The following MSH3 variants were observed in gnomAD, a reference collection of about 807,000 sequenced individuals.
The protein encoded by MSH3 is DNA mismatch repair protein Msh3.
In MSH3, 106 loss-of-function variants were observed where a neutral mutation model predicts 123.3. That is an observed-to-expected ratio of 0.86 (90% CI 0.73 to 1.01). MSH3 has a LOEUF of 1.01. Among genes scored for constraint, MSH3 ranks in the 50% least tolerant of loss-of-function variants. The pLI is 0.00. For synonymous variants in MSH3, 515 were observed against 481.4 expected (o/e 1.07, Z -0.91); for missense variants, 1,459 against 1,347.6 (o/e 1.08, Z -1.29).
chr5:80,811,853 T>G (rs1745014843), intron 19 of MSH3, among the ~76,000 whole-genome samples: 1 of 152,204 alleles, frequency 6.6e-6, no homozygotes, highest in South Asian at 2.1e-4. Flanking sequence ...AATATTTGAT[T>G]GTTTTATGAC....
intron 8 of MSH3, among the ~76,000 whole-genome samples, chr5:80,687,314 G>C (rs575295220): frequency 6.6e-6 from 1 of 152,300 alleles, no homozygotes; most frequent in East Asian, 1.9e-4. Context: ...TGCAGTTAAG[G>C]TTGCTTTAGC....
intron 20 of MSH3, among the ~76,000 whole-genome samples, chr5:80,839,365 C>G (rs900712807): frequency 3.3e-5 from 5 of 152,108 alleles, no homozygotes; most frequent in Non-Finnish European, 7.3e-5. Flanking sequence ...GAGACTCTGT[C>G]TCAATAAAAT....
chr5:80,729,303 T>C (rs1204062899), intron 10 of MSH3, among the ~76,000 whole-genome samples: 1 of 150,104 alleles, frequency 6.7e-6, no homozygotes, highest in Non-Finnish European at 1.5e-5. Flanking sequence ...TAGTCCCAGC[T>C]ACTAGGGAGG....
chr5:80,741,574 A>T (rs191679876), intron 11 of MSH3, 26 bp downstream of exon 11: 2 of 1,538,820 alleles, frequency 1.3e-6, no homozygotes, highest in East Asian at 2.2e-5. Context: ...GGGCTAGTTG[A>T]TTATAAATCG....
chr5:80,841,820 G>C (rs1327048788), intron 20 of MSH3, among the ~76,000 whole-genome samples: 1 of 151,924 alleles, frequency 6.6e-6, no homozygotes, highest in East Asian at 1.9e-4. Context: ...TTGTCAGATG[G>C]GTAGATTGCA....
intron 19 of MSH3, among the ~76,000 whole-genome samples, chr5:80,799,024 G>A (rs1244627593): frequency 2.6e-5 from 4 of 152,226 alleles, no homozygotes; most frequent in Non-Finnish European, 5.9e-5. Context: ...AATGGTAGGA[G>A]ATTTAAATTA....
At chr5:80,685,201 C>CTTT (rs70991171) in intron 8 of MSH3, among the ~76,000 whole-genome samples, 2 of 107,646 alleles carry the variant, frequency 1.9e-5, no homozygotes, top group Non-Finnish European at 3.7e-5. Flanking sequence ...AAGTATTCTC[C>CTTT]TTTTTTTTTT....
intron 3 of MSH3, among the ~76,000 whole-genome samples, chr5:80,668,241 G>C (rs1256963469): frequency 1.3e-5 from 2 of 152,180 alleles, no homozygotes; most frequent in Non-Finnish European, 2.9e-5. Context: ...GTGCTGATTG[G>C]TTCATGGGCT....
chr5:80,740,381 G>A (rs547807698), intron 10 of MSH3, among the ~76,000 whole-genome samples: 68 of 147,754 alleles, frequency 4.6e-4, no homozygotes, highest in Non-Finnish European at 8.2e-4. Flanking sequence ...TTTTGGAGAC[G>A]GAGTCACACT....
intron 21 of MSH3, among the ~76,000 whole-genome samples, chr5:80,859,582 T>G (rs1201661309): frequency 6.6e-6 from 1 of 152,214 alleles, no homozygotes; most frequent in Non-Finnish European, 1.5e-5. Context: ...TTGATAGAGT[T>G]GGATTAATAT....
At chr5:80,767,101 C>T (rs1036514679) in intron 13 of MSH3, among the ~76,000 whole-genome samples, 5 of 152,126 alleles carry the variant, frequency 3.3e-5, no homozygotes, top group African/African-American at 1.2e-4. Context: ...TAGTACTACA[C>T]TGCATGAGTT....
rs749586225 is a variant in MSH3 at position 80,654,808 on chromosome 5, C to G, written c.81C>G (p.Phe27Leu). 1 of 1,606,950 alleles carries G rather than the reference C, an allele frequency of 6.2e-7. No homozygotes were observed. Among genetic ancestry groups the G allele is most frequent in the Non-Finnish European group, 8.5e-7 (1 of 1,177,376 alleles). Reference sequence around the variant, plus strand: ...CGAGGCAAGCGGTTTTGAGCCGATTCTTCCAGTCTACGGGAAGCCTGAAAT... The same window carrying G: ...CGAGGCAAGCGGTTTTGAGCCGATTGTTCCAGTCTACGGGAAGCCTGAAAT... The part of the protein sequence containing the change: ...APARQAVLSR[F>L]FQSTGSLKST... Residue 27 changes from phenylalanine to leucine, a missense_variant, in exon 1 of 24, where the codon TTC (phenylalanine) becomes TTG (leucine). Transcript: ENST00000265081.
chr5:80,853,060 T>C (rs1745855821), intron 20 of MSH3, among the ~76,000 whole-genome samples: 1 of 152,178 alleles, frequency 6.6e-6, no homozygotes, highest in Admixed American at 6.5e-5. Context: ...TTTTGCATTA[T>C]ATAGGTGTTT....
At chr5:80,763,222 A>C (rs1744072274) in intron 13 of MSH3, among the ~76,000 whole-genome samples, 1 of 152,150 alleles carries the variant, frequency 6.6e-6, no homozygotes, top group Admixed American at 6.5e-5. Context: ...ACCCCCACAG[A>C]GTTTTACTAG....
intron 20 of MSH3, among the ~76,000 whole-genome samples, chr5:80,816,611 A>G (rs1405938860): frequency 6.6e-6 from 1 of 152,222 alleles, no homozygotes; most frequent in Non-Finnish European, 1.5e-5. Flanking sequence ...GAAAAAACCA[A>G]GTAGATCAGA....
intron 10 of MSH3, among the ~76,000 whole-genome samples, chr5:80,732,066 T>C (rs1743421760): frequency 6.6e-6 from 1 of 152,214 alleles, no homozygotes; most frequent in Admixed American, 6.5e-5. Context: ...TTAAGGATGA[T>C]TTAAGTGAAG....
chr5:80,681,813 C>G (rs1353739400), intron 8 of MSH3, among the ~76,000 whole-genome samples: 2 of 151,952 alleles, frequency 1.3e-5, no homozygotes, highest in African/African-American at 2.4e-5. Flanking sequence ...TTTTGTTTGT[C>G]AAGCAGCATT....
chr5:80,870,174 C>CAAAAAA (rs745491509), intron 22 of MSH3, among the ~76,000 whole-genome samples: 5 of 105,884 alleles, frequency 4.7e-5, no homozygotes, highest in African/African-American at 1.4e-4. Flanking sequence ...AACTCCGTCT[C>CAAAAAA]AAAAAAAAAA....
intron 10 of MSH3, among the ~76,000 whole-genome samples, chr5:80,729,850 A>C (rs181343972): frequency 1.3e-5 from 2 of 152,294 alleles, no homozygotes; most frequent in Admixed American, 1.3e-4. Flanking sequence ...TGGGTCTGTC[A>C]AGAATCACCC....
Sources: allele counts gnomAD v4.1 joint callset (sites outside exome capture counted in the v4.1 genomes callset), GRCh38; gene constraint gnomAD v4.1.1; transcripts MANE v1.5; gene names NCBI Gene and HGNC (gene_info 2026-07-23, HGNC 2026-07-21).